Variants in IGSF11 observed in about 807,000 individuals in gnomAD.
The protein encoded by IGSF11 is CXADR like 1.
A neutral mutation model predicts 41.0 loss-of-function variants in IGSF11; 22 were observed. That is an observed-to-expected ratio of 0.54 (90% CI 0.38 to 0.77). The LOEUF (loss-of-function observed/expected upper bound fraction) is 0.77, where lower values mean the gene tolerates loss of function less well. Ranked by LOEUF, IGSF11 falls within the 30% of genes least tolerant of loss-of-function variation. IGSF11 has a pLI of 0.00. For synonymous variants in IGSF11, 219 were observed against 201.3 expected, an observed-to-expected ratio of 1.09 and a Z score of -0.74; for missense variants, 444 against 530.8, an observed-to-expected ratio of 0.84 and a Z score of 1.61.
intron 1 of IGSF11, among the ~76,000 whole-genome samples, chr3:119,129,133 G>A (rs958001993): frequency 6.6e-6 from 1 of 152,060 alleles, no homozygotes; most frequent in Non-Finnish European, 1.5e-5. Flanking sequence ...ACACAGAGAG[G>A]GGAACAACAA....
chr3:118,919,417 AAAAC>A (rs1215711374), intron 4 of IGSF11, among the ~76,000 whole-genome samples: 1 of 94,350 alleles, frequency 1.1e-5, no homozygotes, highest in Non-Finnish European at 2.0e-5. Flanking sequence ...TTACAAGAAA[AAAAC>A]AAACAACCCC....
chr3:119,027,172 A>G (rs1046740749), intron 1 of IGSF11, among the ~76,000 whole-genome samples: 4 of 152,226 alleles, frequency 2.6e-5, no homozygotes, highest in African/African-American at 9.6e-5. Flanking sequence ...AAACTCATGC[A>G]TGAGTAAAAG....
intron 1 of IGSF11, among the ~76,000 whole-genome samples, chr3:118,981,188 T>C (rs1189377836): frequency 6.6e-6 from 1 of 152,194 alleles, no homozygotes; most frequent in Non-Finnish European, 1.5e-5. Context: ...ATTTTTATTT[T>C]GAAACAGGTT....
At chr3:118,910,122 T>C (rs1940087617) in intron 4 of IGSF11, among the ~76,000 whole-genome samples, 1 of 152,232 alleles carries the variant, frequency 6.6e-6, no homozygotes, top group Non-Finnish European at 1.5e-5. Context: ...TAGGTTTAAC[T>C]GGACATCAAG....
At chr3:119,131,791 C>T (rs1026185251) in intron 1 of IGSF11, among the ~76,000 whole-genome samples, 3 of 152,182 alleles carry the variant, frequency 2.0e-5, no homozygotes, top group African/African-American at 2.4e-5. Context: ...AGGTTAAGGG[C>T]AGCCAGAGAG....
At chr3:118,910,149 A>G (rs1453661969) in intron 4 of IGSF11, among the ~76,000 whole-genome samples, 2 of 152,196 alleles carry the variant, frequency 1.3e-5, no homozygotes. Context: ...CTGAATCAGT[A>G]TATCTCTATG....
chr3:118,975,363 T>TTAAAAAAAAAAAAAAAAA (rs765744961), intron 1 of IGSF11, among the ~76,000 whole-genome samples: 9 of 140,696 alleles, frequency 6.4e-5, no homozygotes, highest in Admixed American at 5.0e-4. Flanking sequence ...CTGCTGGATT[T>TTAAAAAAAAAAAAAAAAA]AAAAAAAAAA....
At chr3:119,034,414 G>A (rs943923510) in intron 1 of IGSF11, 117 bp downstream of exon 1, 18 of 1,050,992 alleles carry the variant, frequency 1.7e-5, no homozygotes, top group Admixed American at 3.9e-5. Context: ...CCCTGAGAAA[G>A]TTGGACTCCC....
chr3:118,959,985 C>G (rs1180425044), intron 1 of IGSF11, among the ~76,000 whole-genome samples: 1 of 150,216 alleles, frequency 6.7e-6, no homozygotes, highest in African/African-American at 2.4e-5. Flanking sequence ...GCGGAGCTTG[C>G]AGTGAGCGGA....
intron 1 of IGSF11, among the ~76,000 whole-genome samples, chr3:119,095,611 C>T (rs1032373258): frequency 1.3e-5 from 2 of 152,204 alleles, no homozygotes; most frequent in Non-Finnish European, 2.9e-5. Context: ...GACTTCATTA[C>T]TTACAGCAAA....
intron 1 of IGSF11, among the ~76,000 whole-genome samples, chr3:119,000,426 T>C (rs570375884): frequency 3.3e-5 from 5 of 151,766 alleles, no homozygotes; most frequent in African/African-American, 1.2e-4. Context: ...ACGCCTCAAA[T>C]GAGACTCTGG....
chr3:119,036,187 C>T (rs1940892728), upstream of IGSF11, among the ~76,000 whole-genome samples: 1 of 152,194 alleles, frequency 6.6e-6, no homozygotes, highest in Non-Finnish European at 1.5e-5. Context: ...AGAGATGCCT[C>T]AACTTTGCTC....
At position 119,068,939 on chromosome 3, in the gene IGSF11, T is replaced by C. The variant is rs868840617; in HGVS notation, c.49+36205A>G. The stretch of plus-strand genomic sequence containing the variant: ...TTCTTTTTTTTTTCTTTTTTTTTTT[T>C]TTTTTGAGATGGAGTCTTGCTCTGT... On this transcript the variant is annotated intron_variant, in intron 1 of 6. Coordinates refer to the IGSF11 transcript ENST00000354673. Among the ~76,000 whole-genome samples, 317 of 146,474 alleles carry C rather than the reference T, an allele frequency of 2.2e-3. 5 individuals carry two copies. Among genetic ancestry groups the C allele is most frequent in the African/African-American group, 7.4e-3 (291 of 39,548 alleles).
chr3:119,142,050 C>T (rs1359924851), intron 1 of IGSF11, among the ~76,000 whole-genome samples: 5 of 151,914 alleles, frequency 3.3e-5, no homozygotes, highest in Non-Finnish European at 4.4e-5. Context: ...CCGAGGAGGA[C>T]GGATCACGAG....
chr3:118,998,413 T>G (rs1936478513), intron 1 of IGSF11, among the ~76,000 whole-genome samples: 1 of 152,158 alleles, frequency 6.6e-6, no homozygotes, highest in Non-Finnish European at 1.5e-5. Context: ...CTCTGTATAT[T>G]GCATTATCTG....
intron 1 of IGSF11, among the ~76,000 whole-genome samples, chr3:118,999,158 T>C (rs191331037): frequency 6.6e-6 from 1 of 151,566 alleles, no homozygotes; most frequent in Non-Finnish European, 1.5e-5. Flanking sequence ...ACAAATCGAG[T>C]GAATGGGGCC....
At chr3:118,944,775 G>A (rs1943990245) in intron 1 of IGSF11, 1 of 152,160 alleles carries the variant, frequency 6.6e-6, no homozygotes, top group South Asian at 2.1e-4. Context: ...AAGAACTTAT[G>A]TGCCAAGTAT....
intron 1 of IGSF11, among the ~76,000 whole-genome samples, chr3:118,998,630 T>C (rs1040604718): frequency 1.3e-5 from 2 of 152,036 alleles, no homozygotes; most frequent in Non-Finnish European, 2.9e-5. Context: ...CATATTTTAC[T>C]GTATTTTAAA....
intron 1 of IGSF11, among the ~76,000 whole-genome samples, chr3:119,064,511 C>CTTTTTTTTTTTTTTTTTTTTT (rs779910295): frequency 9.9e-6 from 1 of 101,398 alleles, no homozygotes; most frequent in Non-Finnish European, 2.0e-5. Context: ...CTTGGCTGCT[C>CTTTTTTTTTTTTTTTTTTTTT]TTTTTTTTTT....
Sources: gnomAD v4.1 joint callset for allele counts (sites outside exome capture counted in the v4.1 genomes callset) on GRCh38, gnomAD v4.1.1 for gene constraint, MANE v1.5 for transcripts, NCBI Gene and HGNC (gene_info 2026-07-23, HGNC 2026-07-21) for gene names.